CFAP299: variants seen among roughly 807,000 people sequenced by gnomAD.
The protein encoded by CFAP299 is cilia and flagella associated protein 299.
In CFAP299, 21 loss-of-function variants were observed where a neutral mutation model predicts 27.0. That is an observed-to-expected ratio of 0.78 (90% CI 0.55 to 1.12). CFAP299 has a LOEUF of 1.12. Among genes scored for constraint, CFAP299 ranks in the 50% most tolerant of loss-of-function variants. The pLI, the probability that CFAP299 is intolerant of heterozygous loss-of-function variation, is 0.00. For missense variants in CFAP299, 310 were observed against 276.6 expected (o/e 1.12, Z -0.86); for synonymous variants, 104 against 98.1 (o/e 1.06, Z -0.36).
chr4:80,691,922 C>G (rs886441479), intron 3 of CFAP299, among the ~76,000 whole-genome samples: 9 of 152,134 alleles, frequency 5.9e-5, no homozygotes, highest in African/African-American at 2.2e-4. Flanking sequence ...AGAGCCAAAT[C>G]ATGAGTGAAC....
In CFAP299 at chr4:80,368,438, C is replaced by A. The variant is rs527963207; in HGVS notation, c.242+5554C>A. On this transcript the variant is annotated intron_variant, in intron 2 of 5. Coordinates refer to ENST00000358105, the MANE Select transcript of CFAP299 (RefSeq NM_152770.3). The stretch of plus-strand genomic sequence containing the variant: ...TAGTTAATTTAGCATCTGTTAAATT[C>A]TTTTTTCTGCTATAATGTATAGTTA... Among the ~76,000 whole-genome samples the A allele has an allele frequency of 7.2e-5, 11 of 152,148 alleles. No homozygotes were observed. In the South Asian group the frequency reaches 2.1e-3, roughly 29 times the overall value.
rs568824861 is a variant in CFAP299 at position 80,722,504 on chromosome 4, C to CT, written c.333+139323dup. Among the ~76,000 whole-genome samples, 83 of 152,034 alleles carry CT rather than the reference C, an allele frequency of 5.5e-4. 1 individual carries two copies. The East Asian group carries it at 0.014, about 25-fold the overall frequency. ...GGATGTCTGTTTTTCAAAAGACACT[C>CT]TTAGTAGAATGAAAAGGCAAGCCAC... is the stretch of plus-strand genomic sequence containing the variant. On this transcript the variant is annotated intron_variant, in intron 3 of 5. Coordinates refer to ENST00000358105, the MANE Select transcript of CFAP299 (RefSeq NM_152770.3).
chr4:80,780,564 A>G (rs1260426796), intron 3 of CFAP299, among the ~76,000 whole-genome samples: 2 of 152,126 alleles, frequency 1.3e-5, no homozygotes, highest in African/African-American at 4.8e-5. Context: ...GGGTTGCCTT[A>G]GAAGAAAGCA....
In CFAP299 at chr4:80,825,686, G is replaced by A. The variant is rs913777447; in HGVS notation, c.334-44307G>A. Among the ~76,000 whole-genome samples, 16 of 152,046 alleles carry A rather than the reference G, an allele frequency of 1.1e-4. No individual in the cohort carries two copies. The South Asian group carries it at 3.3e-3, about 32-fold the overall frequency. On this transcript the variant is annotated intron_variant, in intron 3 of 5. Coordinates refer to ENST00000358105, the MANE Select transcript of CFAP299 (RefSeq NM_152770.3). ...TACAGAAGAAATTAGGACATTCCCAGATAAGCAAAAGCAGAGGGAGCTTAT... is the reference window on the plus strand; with the variant it reads ...TACAGAAGAAATTAGGACATTCCCAAATAAGCAAAAGCAGAGGGAGCTTAT...
chr4:80,895,431 C>A (rs1328034846), intron 4 of CFAP299, among the ~76,000 whole-genome samples: 2 of 151,900 alleles, frequency 1.3e-5, no homozygotes, highest in Non-Finnish European at 2.9e-5. Flanking sequence ...GGTTAATCAA[C>A]CTTTAGTAAA....
intron 3 of CFAP299, among the ~76,000 whole-genome samples, chr4:80,718,910 A>T (rs1722648005): frequency 6.6e-6 from 1 of 152,152 alleles, no homozygotes; most frequent in Non-Finnish European, 1.5e-5. Flanking sequence ...TTGATGACAG[A>T]TTGGATAAAG....
At chr4:80,771,973 T>C (rs1413149952) in intron 3 of CFAP299, among the ~76,000 whole-genome samples, 2 of 152,114 alleles carry the variant, frequency 1.3e-5, no homozygotes, top group African/African-American at 2.4e-5. Flanking sequence ...AAAGGAAAAA[T>C]GGACATCAAA....
chr4:80,679,798 T>C (rs1193648226), intron 3 of CFAP299, among the ~76,000 whole-genome samples: 2 of 151,784 alleles, frequency 1.3e-5, no homozygotes, highest in African/African-American at 4.8e-5. Flanking sequence ...GGATTTTTGC[T>C]ACTTCACTGT....
intron 4 of CFAP299, among the ~76,000 whole-genome samples, chr4:80,910,933 A>G (rs1735438673): frequency 6.6e-6 from 1 of 152,138 alleles, no homozygotes; most frequent in South Asian, 2.1e-4. Context: ...ACTATTGGAA[A>G]TGCTTCCACA....
intron 2 of CFAP299, among the ~76,000 whole-genome samples, chr4:80,448,838 A>G (rs1472011387): frequency 2.0e-5 from 3 of 152,206 alleles, no homozygotes; most frequent in Non-Finnish European, 4.4e-5. Context: ...GACATATGCA[A>G]TATAGAAACT....
At chr4:80,804,201 A>G (rs972377437) in intron 3 of CFAP299, among the ~76,000 whole-genome samples, 2 of 152,172 alleles carry the variant, frequency 1.3e-5, no homozygotes, top group African/African-American at 4.8e-5. Flanking sequence ...TATAGTCACA[A>G]TGTACAACCA....
intron 3 of CFAP299, among the ~76,000 whole-genome samples, chr4:80,692,194 C>A (rs896121319): frequency 1.3e-5 from 2 of 152,172 alleles, no homozygotes; most frequent in Non-Finnish European, 2.9e-5. Context: ...GGAAAAACTA[C>A]CTTAAAGTTT....
At chr4:80,752,655 A>T (rs1435545501) in intron 3 of CFAP299, among the ~76,000 whole-genome samples, 1 of 151,570 alleles carries the variant, frequency 6.6e-6, no homozygotes, top group African/African-American at 2.4e-5. Flanking sequence ...ACTCATTTAA[A>T]TGTGGCAAAA....
intron 2 of CFAP299, among the ~76,000 whole-genome samples, chr4:80,417,710 A>G (rs1727083973): frequency 6.6e-6 from 1 of 152,168 alleles, no homozygotes; most frequent in Non-Finnish European, 1.5e-5. Context: ...TGATTTGGGT[A>G]GGTTTTGACA....
rs1731246556 is a variant in CFAP299 at position 80,847,415 on chromosome 4, G to C, written c.334-22578G>C. On this transcript the variant is annotated intron_variant, in intron 3 of 5. Coordinates refer to ENST00000358105, the MANE Select transcript of CFAP299 (RefSeq NM_152770.3). ...TTCCTCCCTCTCCTTTTTGGGTTCT[G>C]ATAAACTCTCCCTCTTGGGAGTAGT... Among the ~76,000 whole-genome samples, 2 of 152,178 alleles carry C rather than the reference G, an allele frequency of 1.3e-5. 1 individual carries two copies. Among genetic ancestry groups the C allele is most frequent in the South Asian group, 4.1e-4 (2 of 4,830 alleles).
chr4:80,399,083 T>A (rs2110046763), intron 2 of CFAP299, among the ~76,000 whole-genome samples: 1 of 152,212 alleles, frequency 6.6e-6, no homozygotes, highest in East Asian at 1.9e-4. Context: ...AGCAGACACA[T>A]GAAAAAATGC....
At chr4:80,478,805 C>T (rs540160994) in intron 2 of CFAP299, among the ~76,000 whole-genome samples, 5 of 147,994 alleles carry the variant, frequency 3.4e-5, no homozygotes, top group Admixed American at 1.3e-4. Flanking sequence ...TTTTTAAAGT[C>T]GTATTTGGTG....
chr4:80,643,150 A>T (rs939947392), intron 3 of CFAP299, among the ~76,000 whole-genome samples: 4 of 152,116 alleles, frequency 2.6e-5, no homozygotes, highest in Non-Finnish European at 5.9e-5. Context: ...AAATAAATAC[A>T]TGAGAGAAGT....
intron 4 of CFAP299, among the ~76,000 whole-genome samples, chr4:80,882,200 A>G (rs1261754264): frequency 1.3e-5 from 2 of 152,324 alleles, no homozygotes; most frequent in East Asian, 1.9e-4. Flanking sequence ...AGCAATAATG[A>G]TGGAAAACAT....
Sources: gnomAD v4.1 joint callset for allele counts (sites outside exome capture counted in the v4.1 genomes callset) on GRCh38, gnomAD v4.1.1 for gene constraint, MANE v1.5 for transcripts, NCBI Gene and HGNC (gene_info 2026-07-23, HGNC 2026-07-21) for gene names.